RGS5: variants seen among roughly 807,000 people sequenced by gnomAD.
RGS5 encodes the protein regulator of G protein signaling 5.
RGS5 carries 20 observed loss-of-function variants against 18.9 expected under a neutral mutation model. The ratio of observed to expected loss-of-function variants is 1.06; its 90% confidence interval spans 0.74 to 1.54. The LOEUF (loss-of-function observed/expected upper bound fraction) is 1.54. Among genes scored for constraint, RGS5 ranks in the 40% most tolerant of loss-of-function variants. The pLI, the probability that RGS5 is intolerant of heterozygous loss-of-function variation, is 0.00. For missense variants in RGS5, 201 were observed against 211.8 expected (o/e 0.95, Z 0.32); for synonymous variants, 57 against 76.2 (o/e 0.75, Z 1.31).
At chr1:163,248,464 G>T (rs1175561335) in intron 2 of RGS5, 1 of 152,142 alleles carries the variant, frequency 6.6e-6, no homozygotes, top group African/African-American at 2.4e-5. Context: ...CATTACCCTT[G>T]TTTAAAATGA....
At chr1:163,254,459 G>C (rs542646898) in intron 2 of RGS5, among the ~76,000 whole-genome samples, 1 of 151,812 alleles carries the variant, frequency 6.6e-6, no homozygotes, top group Admixed American at 6.6e-5. Context: ...CTTTTGAGAA[G>C]TGTCTGTTTA....
intron 2 of RGS5, chr1:163,259,705 A>G (rs1348389132): frequency 6.6e-6 from 1 of 152,222 alleles, no homozygotes; most frequent in Non-Finnish European, 1.5e-5. Flanking sequence ...GTATTACATA[A>G]TTTGCTAGGA....
upstream of RGS5, among the ~76,000 whole-genome samples, chr1:163,220,874 G>C (rs1013782009): frequency 6.6e-6 from 1 of 152,114 alleles, no homozygotes; most frequent in Non-Finnish European, 1.5e-5. Flanking sequence ...AGTGGTGCAA[G>C]GAAGGGGTCA....
intron 4 of RGS5, among the ~76,000 whole-genome samples, chr1:163,151,679 G>T (rs573213178): frequency 4.6e-5 from 7 of 152,220 alleles, no homozygotes; most frequent in African/African-American, 1.7e-4. Flanking sequence ...CTGTGAAGAG[G>T]TGCCTTCTGT....
At chr1:163,182,927 G>GGGGTAATATTTTTATTTAAATAT (rs6143453) in intron 1 of RGS5, among the ~76,000 whole-genome samples, 1 of 151,826 alleles carries the variant, frequency 6.6e-6, no homozygotes, top group East Asian at 1.9e-4. Flanking sequence ...AAATATAAAT[G>GGGGTAATATTTTTATTTAAATAT]AAAGGGGTAG....
At chr1:163,156,270 G>T (rs1050415864) in intron 3 of RGS5, among the ~76,000 whole-genome samples, 1 of 151,986 alleles carries the variant, frequency 6.6e-6, no homozygotes, top group Non-Finnish European at 1.5e-5. Context: ...TATCTGATGG[G>T]GTTGTGCTAA....
At chr1:163,284,613 C>T (rs1006996806) in intron 2 of RGS5, among the ~76,000 whole-genome samples, 1 of 152,106 alleles carries the variant, frequency 6.6e-6, no homozygotes, top group East Asian at 1.9e-4. Flanking sequence ...TTTAGAGAAT[C>T]CTGGGGCCAA....
chr1:163,299,361 T>A (rs1332765112), intron 2 of RGS5, among the ~76,000 whole-genome samples: 1 of 152,166 alleles, frequency 6.6e-6, no homozygotes, highest in Non-Finnish European at 1.5e-5. Context: ...TTTTGAGGGC[T>A]TCAGCCATAC....
In RGS5 at chr1:163,255,634, C is replaced by T. The variant is rs567783385; in HGVS notation, c.-281+50599G>A. Among the ~76,000 whole-genome samples, 42 of 150,904 alleles carry T rather than the reference C, an allele frequency of 2.8e-4. 1 individual carries two copies. The South Asian group carries it at 9.0e-3, about 32-fold the overall frequency. ...TATGAGGCCAGCATCATCCTGATAC[C>T]AAAGCCGGGCAGAGACACAACCAAA... On this transcript the variant is annotated intron_variant, in intron 2 of 5. Transcript: ENST00000618415.
Position 163,142,790 on chromosome 1 carries a change from G to C in RGS5, c.*4552C>G, listed in dbSNP as rs1464680937. 2 of 152,108 alleles carry C rather than the reference G, an allele frequency of 1.3e-5. No individual in the cohort carries two copies. Among genetic ancestry groups the C allele is most frequent in the African/African-American group, 4.8e-5 (2 of 41,412 alleles). The allele number at this position is 152,108 out of a possible 1,614,324, so 9.4% of individuals were successfully genotyped here. On this transcript the variant is annotated 3_prime_UTR_variant, in exon 5 of 5. Transcript: ENST00000313961. ...AATATTTCCTCTTGCAAAGGGAGAA[G>C]AGGAAGGGAGGAACAGGGGCAAGGT...
upstream of RGS5, among the ~76,000 whole-genome samples, chr1:163,206,014 G>T (rs1557904971): frequency 6.6e-6 from 1 of 152,112 alleles, no homozygotes; most frequent in Non-Finnish European, 1.5e-5. Flanking sequence ...CAGAGGCAAG[G>T]TCTTCACCTT....
At chr1:163,253,560 T>G (rs1648176378) in intron 2 of RGS5, among the ~76,000 whole-genome samples, 1 of 151,468 alleles carries the variant, frequency 6.6e-6, no homozygotes, top group African/African-American at 2.4e-5. Context: ...TCCACCCACC[T>G]CGGCCTGCCA....
upstream of RGS5, among the ~76,000 whole-genome samples, chr1:163,220,806 C>G (rs10047051): frequency 0.42 from 63,862 of 151,914 alleles, 13,464 homozygotes; most frequent in African/African-American, 0.43. Flanking sequence ...CTTACAAGAG[C>G]AAGGCAGGAG....
At chr1:163,316,539 A>G (rs1650027426) in intron 1 of RGS5, among the ~76,000 whole-genome samples, 1 of 152,040 alleles carries the variant, frequency 6.6e-6, no homozygotes, top group Admixed American at 6.6e-5. Flanking sequence ...GGCTGCAGTA[A>G]GCTATGATGA....
intron 3 of RGS5, among the ~76,000 whole-genome samples, chr1:163,157,623 C>T (rs1165296720): frequency 6.6e-6 from 1 of 152,156 alleles, no homozygotes; most frequent in Non-Finnish European, 1.5e-5. Flanking sequence ...CCTACATTAA[C>T]ATAACAATGC....
chr1:163,176,654 A>G (rs897840387), intron 1 of RGS5, among the ~76,000 whole-genome samples: 1 of 152,026 alleles, frequency 6.6e-6, no homozygotes, highest in Admixed American at 6.6e-5. Flanking sequence ...AAAGAAAAAG[A>G]AAACCCTGTG....
At chr1:163,250,099 C>A (rs12140739) in intron 2 of RGS5, among the ~76,000 whole-genome samples, 30,084 of 152,148 alleles carry the variant, frequency 0.2, 3,403 homozygotes, top group Non-Finnish European at 0.25. Flanking sequence ...ACTCAGGACA[C>A]AAGGCCCCGA....
intron 1 of RGS5, among the ~76,000 whole-genome samples, chr1:163,310,993 C>A (rs1649843288): frequency 6.6e-6 from 1 of 152,152 alleles, no homozygotes; most frequent in Non-Finnish European, 1.5e-5. Context: ...ATCACAAGAA[C>A]AGAAGGGGGG....
At chr1:163,174,906 T>C (rs1658480375) in intron 1 of RGS5, among the ~76,000 whole-genome samples, 1 of 152,164 alleles carries the variant, frequency 6.6e-6, no homozygotes, top group Non-Finnish European at 1.5e-5. Context: ...GCAAGATTTT[T>C]ACAACACATT....
Sources: gnomAD v4.1 joint callset for allele counts (sites outside exome capture counted in the v4.1 genomes callset) on GRCh38, gnomAD v4.1.1 for gene constraint, MANE v1.5 for transcripts, NCBI Gene and HGNC (gene_info 2026-07-23, HGNC 2026-07-21) for gene names.